The following SORCS2 variants were observed in gnomAD, a reference collection of about 807,000 sequenced individuals.
SORCS2 encodes VPS10 domain-containing receptor SorCS2.
SORCS2 carries 100 observed loss-of-function variants against 141.6 expected under a neutral mutation model. That is an observed-to-expected ratio of 0.71 (90% CI 0.60 to 0.83). SORCS2 has a LOEUF of 0.83. Ranked by LOEUF, SORCS2 falls within the 40% of genes least tolerant of loss-of-function variation. SORCS2 has a pLI of 0.00. For missense variants in SORCS2, 1,646 were observed against 1,560.2 expected (o/e 1.05, Z -0.93); for synonymous variants, 789 against 676.9 (o/e 1.17, Z -2.57).
chr4:7,502,574 C>G (rs1560337313), intron 2 of SORCS2, among the ~76,000 whole-genome samples: 1 of 152,236 alleles, frequency 6.6e-6, no homozygotes, highest in Non-Finnish European at 1.5e-5. Flanking sequence ...TGCTCCTCCT[C>G]TTGATGTCCT....
chr4:7,202,172 A>G (rs933732635), intron 1 of SORCS2, among the ~76,000 whole-genome samples: 1 of 152,176 alleles, frequency 6.6e-6, no homozygotes, highest in African/African-American at 2.4e-5. Context: ...AGACTTAGGC[A>G]ATTTGCTCAC....
intron 1 of SORCS2, among the ~76,000 whole-genome samples, chr4:7,230,411 G>A (rs1222933042): frequency 2.4e-5 from 3 of 123,384 alleles, no homozygotes; most frequent in African/African-American, 9.7e-5. Flanking sequence ...GGCCGGAGCA[G>A]TGTCTGAAGC....
chr4:7,507,331 C>A (rs941044645), intron 2 of SORCS2, among the ~76,000 whole-genome samples: 3 of 152,078 alleles, frequency 2.0e-5, no homozygotes, highest in Admixed American at 6.5e-5. Flanking sequence ...CGTGCCACCA[C>A]GCCAGGCTAA....
intron 1 of SORCS2, among the ~76,000 whole-genome samples, chr4:7,207,403 G>C (rs929528909): frequency 6.6e-6 from 1 of 152,180 alleles, no homozygotes; most frequent in Admixed American, 6.5e-5. Flanking sequence ...CGTTCACCCA[G>C]CGCCTGGCCA....
intron 2 of SORCS2, chr4:7,434,900 C>T: frequency 6.6e-7 from 1 of 1,524,988 alleles, no homozygotes; most frequent in Non-Finnish European, 8.8e-7. Context: ...GACTCTCTGG[C>T]TCCAGAGTAC....
At chr4:7,736,564 G>C (rs554329535) in intron 25 of SORCS2, among the ~76,000 whole-genome samples, 2 of 152,312 alleles carry the variant, frequency 1.3e-5, no homozygotes, top group South Asian at 4.1e-4. Flanking sequence ...GGGTCCCAGT[G>C]GAGGCAGCGG....
chr4:7,543,505 A>ATCCATCCATCCATCCATCCATCCG (rs1712876542), intron 3 of SORCS2, among the ~76,000 whole-genome samples: 6 of 144,272 alleles, frequency 4.2e-5, no homozygotes, highest in African/African-American at 1.6e-4. Context: ...CCATCCATCC[A>ATCCATCCATCCATCCATCCATCCG]TCCATCCATC....
At chr4:7,293,625 C>G (rs1336469314) in intron 1 of SORCS2, among the ~76,000 whole-genome samples, 2 of 152,186 alleles carry the variant, frequency 1.3e-5, no homozygotes, top group Admixed American at 6.5e-5. Flanking sequence ...CTGGGTAAAG[C>G]CAACCTGTTG....
chr4:7,485,125 C>G (rs1049745896), intron 2 of SORCS2, among the ~76,000 whole-genome samples: 1 of 152,166 alleles, frequency 6.6e-6, no homozygotes, highest in Non-Finnish European at 1.5e-5. Flanking sequence ...GGGTCTCACT[C>G]CACACGGCAC....
chr4:7,297,426 C>A, intron 1 of SORCS2, among the ~76,000 whole-genome samples: 1 of 152,040 alleles, frequency 6.6e-6, no homozygotes, highest in Non-Finnish European at 1.5e-5. Context: ...CCCACCCCCA[C>A]CCCAGGGATC....
At chr4:7,472,918 T>TAAA (rs71175405) in intron 2 of SORCS2, among the ~76,000 whole-genome samples, 5,693 of 147,084 alleles carry the variant, frequency 0.039, 303 homozygotes, top group African/African-American at 0.13. Flanking sequence ...GTGTTCATCA[T>TAAA]AAAAAAAAAA....
intron 1 of SORCS2, among the ~76,000 whole-genome samples, chr4:7,347,608 C>T (rs1158386537): frequency 6.6e-6 from 1 of 152,124 alleles, no homozygotes; most frequent in African/African-American, 2.4e-5. Flanking sequence ...TGAGTGGTTC[C>T]AAATCCCACG....
chr4:7,337,208 C>A (rs1720041097), intron 1 of SORCS2, among the ~76,000 whole-genome samples: 1 of 152,164 alleles, frequency 6.6e-6, no homozygotes, highest in African/African-American at 2.4e-5. Context: ...TCCCTGCGTT[C>A]ATTTACTCAT....
At chr4:7,211,445 A>G (rs1250129228) in intron 1 of SORCS2, among the ~76,000 whole-genome samples, 1 of 152,258 alleles carries the variant, frequency 6.6e-6, no homozygotes, top group Non-Finnish European at 1.5e-5. Flanking sequence ...GCTGGAGTGC[A>G]GTGGCGCGAT....
At chr4:7,546,787 C>G (rs1011131500) in intron 3 of SORCS2, among the ~76,000 whole-genome samples, 1 of 152,212 alleles carries the variant, frequency 6.6e-6, no homozygotes, top group Non-Finnish European at 1.5e-5. Flanking sequence ...AGGGAGCTCC[C>G]TCTGATAGGC....
chr4:7,726,702 G>A, intron 20 of SORCS2, 78 bp from the exon 21 acceptor site: 2 of 1,546,028 alleles, frequency 1.3e-6, no homozygotes, highest in Non-Finnish European at 8.8e-7. Context: ...TCTCAGTGAG[G>A]CAGCGACCAT....
chr4:7,232,917 G>C (rs1712002081), intron 1 of SORCS2, among the ~76,000 whole-genome samples: 1 of 152,218 alleles, frequency 6.6e-6, no homozygotes, highest in East Asian at 1.9e-4. Flanking sequence ...CCCTTGGGGA[G>C]TGTTTGGTCC....
chr4:7,524,717 C>G (rs1257831660), intron 2 of SORCS2, among the ~76,000 whole-genome samples: 5 of 152,180 alleles, frequency 3.3e-5, no homozygotes, highest in African/African-American at 1.2e-4. Context: ...TTAACCGCAT[C>G]TCTCTTCCCA....
At chr4:7,712,996 G>C in intron 15 of SORCS2, 143 bp downstream of exon 15, 1 of 1,273,402 alleles carries the variant, frequency 7.9e-7, no homozygotes, top group Non-Finnish European at 1.1e-6. Context: ...CCAGCGCCTT[G>C]AGATGTCCAG....
Sources: allele counts gnomAD v4.1 joint callset (sites outside exome capture counted in the v4.1 genomes callset), GRCh38; gene constraint gnomAD v4.1.1; transcripts MANE v1.5; gene names NCBI Gene and HGNC (gene_info 2026-07-23, HGNC 2026-07-21).